Variants in TMEM74 observed in about 807,000 individuals in gnomAD.
TMEM74 encodes transmembrane protein 74.
Under a neutral mutation model 18.1 loss-of-function variants are expected in TMEM74, and 13 were observed. The observed-to-expected ratio is 0.72, with a 90% CI of 0.47 to 1.14. TMEM74 has a LOEUF of 1.14. Among genes scored for constraint, TMEM74 ranks in the 50% most tolerant of loss-of-function variants. The probability of loss-of-function intolerance (pLI) is 0.00; values close to 1 mark genes in which losing one functional copy is unlikely to be tolerated. For missense variants in TMEM74, 372 were observed against 375.9 expected (o/e 0.99, Z 0.09); for synonymous variants, 159 against 146.6 (o/e 1.08, Z -0.61).
chr8:108,752,672 T>C (rs1813915337), intron 1 of TMEM74, among the ~76,000 whole-genome samples: 1 of 152,104 alleles, frequency 6.6e-6, no homozygotes, highest in Admixed American at 6.6e-5. Context: ...TATATAACAA[T>C]TTCTGTCATT....
At chr8:108,723,683 C>T (rs142742708) in intron 1 of TMEM74, among the ~76,000 whole-genome samples, 14 of 151,904 alleles carry the variant, frequency 9.2e-5, no homozygotes, top group South Asian at 4.2e-4. Context: ...TTATTTTCAG[C>T]GTATTGAAAA....
At chr8:108,675,105 T>C (rs1813043598) in intron 1 of TMEM74, among the ~76,000 whole-genome samples, 1 of 152,180 alleles carries the variant, frequency 6.6e-6, no homozygotes, top group South Asian at 2.1e-4. Flanking sequence ...TTCTGAGACA[T>C]ATGTTTTATA....
intron 2 of TMEM74, among the ~76,000 whole-genome samples, chr8:108,625,054 T>C (rs1216917380): frequency 6.6e-6 from 1 of 152,046 alleles, no homozygotes; most frequent in Admixed American, 6.6e-5. Flanking sequence ...GTCTTGTTAA[T>C]GAAAACTCTG....
intron 1 of TMEM74, among the ~76,000 whole-genome samples, chr8:108,772,198 C>CT (rs1245999315): frequency 6.6e-6 from 1 of 151,966 alleles, no homozygotes; most frequent in East Asian, 1.9e-4. Context: ...TTATGTTTTC[C>CT]TTTGGGTCAT....
chr8:108,676,041 ACT>A (rs1047534301), intron 1 of TMEM74, among the ~76,000 whole-genome samples: 1 of 152,184 alleles, frequency 6.6e-6, no homozygotes, highest in Non-Finnish European at 1.5e-5. Context: ...CATGTAAAAC[ACT>A]CTTGTAAAAG....
At chr8:108,729,367 A>G (rs1384581665) in intron 1 of TMEM74, among the ~76,000 whole-genome samples, 1 of 152,320 alleles carries the variant, frequency 6.6e-6, no homozygotes, top group African/African-American at 2.4e-5. Flanking sequence ...AGCCAAAGAA[A>G]ATTAGAAAGT....
intron 1 of TMEM74, among the ~76,000 whole-genome samples, chr8:108,755,750 T>C (rs1813953255): frequency 6.6e-6 from 1 of 152,038 alleles, no homozygotes; most frequent in Admixed American, 6.6e-5. Flanking sequence ...AAATAGGAGA[T>C]ACATGCAAAA....
chr8:108,752,269 T>A (rs1335394139), intron 1 of TMEM74, among the ~76,000 whole-genome samples: 1 of 152,144 alleles, frequency 6.6e-6, no homozygotes, highest in Non-Finnish European at 1.5e-5. Context: ...TTTGCTTTTC[T>A]CATCTCTAAG....
chr8:108,680,327 T>A (rs1813099514), intron 1 of TMEM74, among the ~76,000 whole-genome samples: 1 of 152,210 alleles, frequency 6.6e-6, no homozygotes. Flanking sequence ...CATGATCAAG[T>A]GGGCTTCATC....
downstream of TMEM74, among the ~76,000 whole-genome samples, chr8:108,775,864 A>G (rs564602907): frequency 5.3e-5 from 8 of 152,118 alleles, no homozygotes; most frequent in Non-Finnish European, 8.8e-5. Context: ...TTTCCCTCCT[A>G]TGGATCCACT....
intron 1 of TMEM74, among the ~76,000 whole-genome samples, chr8:108,676,048 T>G (rs1389672597): frequency 1.3e-5 from 2 of 152,114 alleles, no homozygotes; most frequent in Non-Finnish European, 2.9e-5. Context: ...AACACTCTTG[T>G]AAAAGGTGGA....
At position 108,657,873 on chromosome 8, in the gene TMEM74, T is replaced by TATATATATATATATATATTAATTAC. The variant is rs1812856782; in HGVS notation, n.120-2437_120-2436insGTAATTAATATATATATATATATAT. Among the ~76,000 whole-genome samples the TATATATATATATATATATTAATTAC allele has an allele frequency of 2.4e-4, 12 of 50,782 alleles. 1 individual carries two copies. Among genetic ancestry groups the TATATATATATATATATATTAATTAC allele is most frequent in the African/African-American group, 1.1e-3 (12 of 10,728 alleles). The allele number at this position is 50,782 out of a possible 152,430, so 33.3% of individuals were successfully genotyped here. ...AAAAAAAAAAAAATATATATATATA[T>TATATATATATATATATATTAATTAC]ATATATATATATATATATATATATA... On this transcript the variant is annotated intron_variant and non_coding_transcript_variant, in intron 1 of 3. Coordinates refer to the TMEM74 transcript ENST00000518838.
chr8:108,627,049 C>T (rs1812500947), intron 2 of TMEM74, among the ~76,000 whole-genome samples: 1 of 151,962 alleles, frequency 6.6e-6, no homozygotes, highest in Non-Finnish European at 1.5e-5. Flanking sequence ...TATCATTTTC[C>T]CTTTAAGTGT....
chr8:108,769,458 C>T (rs1230873592), intron 1 of TMEM74, among the ~76,000 whole-genome samples: 1 of 152,084 alleles, frequency 6.6e-6, no homozygotes, highest in African/African-American at 2.4e-5. Context: ...AGCCCTCTGC[C>T]TCTGTTCTTT....
Position 108,784,901 on chromosome 8 carries a change from G to T in TMEM74, c.198C>A (p.Ser66=), listed in dbSNP as rs1814361051. 1 of 1,614,012 alleles carries T rather than the reference G, an allele frequency of 6.2e-7. No individual in the cohort carries two copies. Among genetic ancestry groups the T allele is most frequent in the African/African-American group, 1.3e-5 (1 of 74,906 alleles). The change falls in exon 2 of 2, where the codon TCC becomes TCA. Residue 66 remains serine (S), a synonymous_variant. Coordinates refer to ENST00000297459, the MANE Select transcript of TMEM74 (RefSeq NM_153015.3). The stretch of plus-strand genomic sequence containing the variant: ...TACTGTTTTGCAGAGAGGAGGAGGG[G>T]GATGCTGGAGAAGAACTAAGTTTAG... The part of the protein sequence containing the change: ...EGSKLSSSPA[S]PSSSLQNSTL...
intron 1 of TMEM74, among the ~76,000 whole-genome samples, chr8:108,757,759 T>G (rs1420304088): frequency 6.6e-6 from 1 of 152,038 alleles, no homozygotes; most frequent in East Asian, 1.9e-4. Context: ...TCCCTATGAC[T>G]TCTTCAATGA....
At chr8:108,709,350 A>T (rs979144476) in intron 1 of TMEM74, among the ~76,000 whole-genome samples, 5 of 152,182 alleles carry the variant, frequency 3.3e-5, no homozygotes, top group African/African-American at 9.7e-5. Flanking sequence ...AAGCCTTAAA[A>T]AAGAAGGGTA....
chr8:108,761,312 A>G (rs750025698), intron 1 of TMEM74, among the ~76,000 whole-genome samples: 3 of 152,120 alleles, frequency 2.0e-5, no homozygotes, highest in Non-Finnish European at 4.4e-5. Context: ...ATATAAATAG[A>G]ACCTACCTCA....
At chr8:108,717,223 TACTC>T (rs1213187790) in intron 1 of TMEM74, among the ~76,000 whole-genome samples, 1 of 152,048 alleles carries the variant, frequency 6.6e-6, no homozygotes, top group African/African-American at 2.4e-5. Flanking sequence ...ATAAAGGAGT[TACTC>T]AAAAAAATCA....
Sources: allele counts gnomAD v4.1 joint callset (sites outside exome capture counted in the v4.1 genomes callset), GRCh38; gene constraint gnomAD v4.1.1; transcripts MANE v1.5; gene names NCBI Gene and HGNC (gene_info 2026-07-23, HGNC 2026-07-21).